The following FHOD3 variants were observed in gnomAD, a reference collection of about 807,000 sequenced individuals.
FHOD3 encodes the protein FH1/FH2 domain-containing protein 3.
FHOD3 carries 90 observed loss-of-function variants against 173.0 expected under a neutral mutation model. The observed-to-expected ratio is 0.52, with a 90% CI of 0.44 to 0.62. The LOEUF is 0.62. Among genes scored for constraint, FHOD3 ranks in the 20% least tolerant of loss-of-function variants. FHOD3 has a pLI of 0.00. For synonymous variants in FHOD3, 828 were observed against 823.0 expected, an observed-to-expected ratio of 1.01 and a Z score of -0.10; for missense variants, 1,945 against 2,034.7, an observed-to-expected ratio of 0.96 and a Z score of 0.85.
At chr18:36,544,807 C>G (rs1313800551) in intron 5 of FHOD3, 2 of 152,172 alleles carry the variant, frequency 1.3e-5, no homozygotes, top group African/African-American at 4.8e-5. Flanking sequence ...TTTCTTTGAA[C>G]AGAGCAATGG....
intron 2 of FHOD3, among the ~76,000 whole-genome samples, chr18:36,361,546 C>T (rs1467129088): frequency 6.6e-6 from 1 of 151,656 alleles, no homozygotes; most frequent in Non-Finnish European, 1.5e-5. Context: ...ATTAGCTGGG[C>T]GTGGTGGCAC....
At chr18:36,540,883 C>T (rs982632668) in intron 5 of FHOD3, among the ~76,000 whole-genome samples, 13 of 152,290 alleles carry the variant, frequency 8.5e-5, no homozygotes, top group South Asian at 4.1e-4. Context: ...TTGGTGTACC[C>T]GCAACAACAG....
intron 3 of FHOD3, among the ~76,000 whole-genome samples, chr18:36,456,659 G>A (rs919846989): frequency 6.6e-6 from 1 of 151,998 alleles, no homozygotes; most frequent in Non-Finnish European, 1.5e-5. Flanking sequence ...TGTCCCCCAC[G>A]GGCAACAGTG....
At chr18:36,379,804 C>G (rs1007448857) in intron 3 of FHOD3, among the ~76,000 whole-genome samples, 1 of 152,208 alleles carries the variant, frequency 6.6e-6, no homozygotes, top group Non-Finnish European at 1.5e-5. Context: ...GTGACCAGCT[C>G]TGAGTGCCTT....
chr18:36,535,744 A>G (rs1299684134), intron 5 of FHOD3, among the ~76,000 whole-genome samples: 1 of 152,224 alleles, frequency 6.6e-6, no homozygotes. Context: ...AGTATTTAAT[A>G]CTACTAAATA....
chr18:36,765,951 TAAATATC>T (rs934021797), intron 27 of FHOD3, among the ~76,000 whole-genome samples: 3 of 151,766 alleles, frequency 2.0e-5, no homozygotes, highest in African/African-American at 7.3e-5. Flanking sequence ...CCAAAACAGA[TAAATATC>T]AACCAACATA....
At chr18:36,445,366 A>C (rs989518026) in intron 3 of FHOD3, among the ~76,000 whole-genome samples, 1 of 152,106 alleles carries the variant, frequency 6.6e-6, no homozygotes, top group Non-Finnish European at 1.5e-5. Context: ...TGGGCTAAAA[A>C]CTTCTGGGTT....
intron 5 of FHOD3, among the ~76,000 whole-genome samples, chr18:36,556,188 T>A (rs2057875177): frequency 6.6e-6 from 1 of 152,192 alleles, no homozygotes; most frequent in African/African-American, 2.4e-5. Context: ...TGTAATTCCA[T>A]TATCTTCATG....
intron 3 of FHOD3, among the ~76,000 whole-genome samples, chr18:36,414,581 C>T (rs1256208044): frequency 6.6e-6 from 1 of 152,224 alleles, no homozygotes; most frequent in Non-Finnish European, 1.5e-5. Flanking sequence ...CGCATCAACT[C>T]ATCCCATCAT....
At chr18:36,450,952 T>C (rs2051809398) in intron 3 of FHOD3, among the ~76,000 whole-genome samples, 1 of 152,224 alleles carries the variant, frequency 6.6e-6, no homozygotes, top group Admixed American at 6.5e-5. Flanking sequence ...GCAGCTGGCT[T>C]CCAGTCTCTG....
intron 1 of FHOD3, among the ~76,000 whole-genome samples, chr18:36,327,117 C>T: frequency 6.6e-6 from 1 of 152,220 alleles, no homozygotes; most frequent in Non-Finnish European, 1.5e-5. Context: ...GCTGAGGAGG[C>T]TCTCCAAGGC....
chr18:36,620,843 A>G (rs989096367), intron 9 of FHOD3, among the ~76,000 whole-genome samples: 1 of 152,248 alleles, frequency 6.6e-6, no homozygotes, highest in African/African-American at 2.4e-5. Context: ...ATTCATTGCC[A>G]AAAGACAACC....
At chr18:36,545,429 G>A (rs2147194445) in intron 5 of FHOD3, among the ~76,000 whole-genome samples, 2 of 152,174 alleles carry the variant, frequency 1.3e-5, no homozygotes, top group Middle Eastern at 3.4e-3. Flanking sequence ...AAGACGTAAT[G>A]TTTCACCCAA....
At chr18:36,563,660 C>T (rs530474516) in intron 5 of FHOD3, among the ~76,000 whole-genome samples, 11 of 152,288 alleles carry the variant, frequency 7.2e-5, no homozygotes, top group African/African-American at 1.9e-4. Flanking sequence ...CCAGCTTCTC[C>T]GTGGGTTTAA....
intron 6 of FHOD3, among the ~76,000 whole-genome samples, chr18:36,593,954 A>G (rs533105076): frequency 3.3e-5 from 5 of 152,222 alleles, no homozygotes; most frequent in Admixed American, 3.3e-4. Context: ...GAGTTCCTTT[A>G]GGAGGAGGCT....
chr18:36,709,434 C>T (rs781182461), intron 18 of FHOD3, 43 bp downstream of exon 18: 22 of 1,578,610 alleles, frequency 1.4e-5, no homozygotes, highest in Admixed American at 1.7e-5. Context: ...GCCAGGGAGG[C>T]CTGGGGTGCA....
At chr18:36,445,628 A>G (rs2051422222) in intron 3 of FHOD3, among the ~76,000 whole-genome samples, 1 of 152,154 alleles carries the variant, frequency 6.6e-6, no homozygotes. Context: ...AAATCATTCC[A>G]TTGACCATGA....
At chr18:36,679,148 C>G (rs1226045370) in intron 14 of FHOD3, among the ~76,000 whole-genome samples, 2 of 151,952 alleles carry the variant, frequency 1.3e-5, no homozygotes, top group African/African-American at 4.8e-5. Context: ...CAGATTTGGT[C>G]AATTATATGT....
chr18:36,741,802 T>C (rs2041916659), intron 21 of FHOD3, among the ~76,000 whole-genome samples: 2 of 151,762 alleles, frequency 1.3e-5, no homozygotes, highest in Admixed American at 1.3e-4. Flanking sequence ...GGGGAGGCTG[T>C]GTGGTCTCCA....
Sources: gnomAD v4.1 joint callset for allele counts (sites outside exome capture counted in the v4.1 genomes callset) on GRCh38, gnomAD v4.1.1 for gene constraint, MANE v1.5 for transcripts, NCBI Gene and HGNC (gene_info 2026-07-23, HGNC 2026-07-21) for gene names.